The following NECAB1 variants were observed in gnomAD, a reference collection of about 807,000 sequenced individuals.
The protein encoded by NECAB1 is N-terminal EF-hand calcium-binding protein 1.
Under a neutral mutation model 57.5 loss-of-function variants are expected in NECAB1, and 29 were observed. The observed-to-expected ratio is 0.50, with a 90% CI of 0.38 to 0.69. The LOEUF is 0.69. Ranked by LOEUF, NECAB1 falls within the 30% of genes least tolerant of loss-of-function variation. The probability of loss-of-function intolerance (pLI) is 0.00; values close to 1 mark genes in which losing one functional copy is unlikely to be tolerated. For synonymous variants in NECAB1, 142 were observed against 147.7 expected, an observed-to-expected ratio of 0.96 and a Z score of 0.28; for missense variants, 372 against 413.8, an observed-to-expected ratio of 0.90 and a Z score of 0.88.
At chr8:90,918,160 C>T (rs1470880659) in intron 6 of NECAB1, among the ~76,000 whole-genome samples, 1 of 150,946 alleles carries the variant, frequency 6.6e-6, no homozygotes, top group Non-Finnish European at 1.5e-5. Flanking sequence ...CAGGCACACA[C>T]CACCACGTCC....
intron 4 of NECAB1, 62 bp downstream of exon 4, chr8:90,872,215 T>C: frequency 7.7e-7 from 1 of 1,294,054 alleles, no homozygotes; most frequent in South Asian, 1.4e-5. Context: ...AAGAGTATTG[T>C]CTGATATATA....
intron 7 of NECAB1, among the ~76,000 whole-genome samples, chr8:90,926,905 T>C (rs1186054438): frequency 1.3e-5 from 2 of 152,200 alleles, no homozygotes; most frequent in African/African-American, 2.4e-5. Flanking sequence ...CAAGGGTATA[T>C]ACAGATACTT....
At chr8:90,843,062 G>A (rs1015814585) in intron 3 of NECAB1, among the ~76,000 whole-genome samples, 1 of 152,178 alleles carries the variant, frequency 6.6e-6, no homozygotes, top group Non-Finnish European at 1.5e-5. Context: ...ATGGCAGAAG[G>A]CAAAGGAGGA....
At chr8:90,836,015 C>A (rs1260342778) in intron 3 of NECAB1, among the ~76,000 whole-genome samples, 1 of 152,172 alleles carries the variant, frequency 6.6e-6, no homozygotes, top group Non-Finnish European at 1.5e-5. Flanking sequence ...TGACTTTAGA[C>A]TCTCAGTTAA....
At chr8:90,848,639 T>A (rs114332084) in intron 3 of NECAB1, among the ~76,000 whole-genome samples, 6,093 of 152,258 alleles carry the variant, frequency 0.04, 398 homozygotes, top group African/African-American at 0.13. Flanking sequence ...CAAAGGCACT[T>A]CTTACATGGT....
chr8:90,795,420 G>C (rs1811643991), intron 1 of NECAB1, among the ~76,000 whole-genome samples: 1 of 152,062 alleles, frequency 6.6e-6, no homozygotes, highest in South Asian at 2.1e-4. Context: ...AGTTGTGAGG[G>C]GGATGAATGA....
At position 90,821,128 on chromosome 8, in the gene NECAB1, C is replaced by T. The variant is rs898574023; in HGVS notation, c.125-3589C>T. On this transcript the variant is annotated intron_variant, in intron 2 of 12. Coordinates refer to ENST00000417640, the MANE Select transcript of NECAB1 (RefSeq NM_022351.5). ...CCAAGCATACACCTCAAGCCCCCAT[C>T]GCCCATTGACTTTTCTAGACCCCTG... 4.6e-5 allele frequency among the ~76,000 whole-genome samples: 7 copies of T among 151,932 alleles called. No individual in the cohort carries two copies. The South Asian group carries it at 1.0e-3, about 23-fold the overall frequency.
At chr8:90,929,320 CTTAA>C (rs1481226307) in intron 8 of NECAB1, among the ~76,000 whole-genome samples, 1 of 152,010 alleles carries the variant, frequency 6.6e-6, no homozygotes, top group African/African-American at 2.4e-5. Context: ...AAAATGGTGA[CTTAA>C]TTAAAAATTT....
chr8:90,815,445 A>G (rs1254169079), intron 2 of NECAB1, among the ~76,000 whole-genome samples: 2 of 151,940 alleles, frequency 1.3e-5, no homozygotes, highest in African/African-American at 4.8e-5. Context: ...TGCACAGTAA[A>G]TTTCTATAGG....
chr8:90,923,271 C>T (rs754259415), intron 6 of NECAB1, among the ~76,000 whole-genome samples: 3 of 152,180 alleles, frequency 2.0e-5, no homozygotes, highest in Admixed American at 2.0e-4. Context: ...ATACCTGGCA[C>T]AGCTGATAGG....
chr8:90,808,414 C>T (rs1811891145), intron 2 of NECAB1, among the ~76,000 whole-genome samples: 1 of 146,498 alleles, frequency 6.8e-6, no homozygotes, highest in African/African-American at 2.5e-5. Context: ...TATGATTTTG[C>T]AGTCAGATTA....
chr8:90,898,109 CTG>C (rs1342329668), intron 5 of NECAB1, among the ~76,000 whole-genome samples: 1 of 152,156 alleles, frequency 6.6e-6, no homozygotes, highest in Non-Finnish European at 1.5e-5. Flanking sequence ...TAGAACATCT[CTG>C]TAATCAAATT....
At chr8:90,922,486 ATTTTTTT>A (rs577951495) in intron 6 of NECAB1, among the ~76,000 whole-genome samples, 4 of 57,512 alleles carry the variant, frequency 7.0e-5, no homozygotes, top group Non-Finnish European at 1.3e-4. Context: ...AAAAACTTGG[ATTTTTTT>A]TTTTTTTTTT....
At chr8:90,888,796 G>A (rs770242721) in intron 5 of NECAB1, among the ~76,000 whole-genome samples, 23 of 152,186 alleles carry the variant, frequency 1.5e-4, no homozygotes, top group Non-Finnish European at 3.2e-4. Context: ...GGGCCACATG[G>A]TATTGTGTGA....
chr8:90,797,439 A>G (rs1563489841), intron 1 of NECAB1, among the ~76,000 whole-genome samples: 1 of 152,228 alleles, frequency 6.6e-6, no homozygotes, highest in Non-Finnish European at 1.5e-5. Flanking sequence ...TAATGTTTTT[A>G]TAGTAGAAAG....
At chr8:90,844,810 C>A (rs1812525716) in intron 3 of NECAB1, among the ~76,000 whole-genome samples, 2 of 152,232 alleles carry the variant, frequency 1.3e-5, no homozygotes, top group South Asian at 4.1e-4. Context: ...TTTTCTCTTA[C>A]ACCTGGGTCT....
rs553396384 is a variant in NECAB1, at chr8:90,925,255, T to C, written c.495-280T>C. Among the ~76,000 whole-genome samples, 5 of 151,144 alleles carry C rather than the reference T, an allele frequency of 3.3e-5. No individual in the cohort carries two copies. In the South Asian group the frequency reaches 1.0e-3, roughly 31 times the overall value. On this transcript the variant is annotated intron_variant, in intron 6 of 12. Coordinates refer to ENST00000417640, the MANE Select transcript of NECAB1 (RefSeq NM_022351.5). ...AATACAATAGCTGCATACACGTTTT[T>C]CCACTGAAAGTTGACCAACAAAGGA...
Position 90,959,072 on chromosome 8 carries a change from T to A in NECAB1, c.*3560T>A. The A allele has an allele frequency of 1.1e-6, 1 of 922,296 alleles. No homozygotes were observed. The highest frequency in any genetic ancestry group is 1.6e-6 in the Non-Finnish European group (1 of 620,644). The allele number at this position is 922,296 out of a possible 1,614,324, so 57.1% of individuals were successfully genotyped here. ...AAAGTTAATTTATCAATTGATTGAA[T>A]ACAGTTTTTACTAATTAGTTTATCA... On this transcript the variant is annotated 3_prime_UTR_variant, in exon 13 of 13. Transcript: ENST00000417640.
At chr8:90,890,102 T>C (rs149548326) in intron 5 of NECAB1, among the ~76,000 whole-genome samples, 429 of 152,328 alleles carry the variant, frequency 2.8e-3, no homozygotes, top group African/African-American at 9.7e-3. Flanking sequence ...CTTATATTAG[T>C]TGAATGCTTC....
Sources: allele counts gnomAD v4.1 joint callset (sites outside exome capture counted in the v4.1 genomes callset), GRCh38; gene constraint gnomAD v4.1.1; transcripts MANE v1.5; gene names NCBI Gene and HGNC (gene_info 2026-07-23, HGNC 2026-07-21).